The following NF1 variants were observed in gnomAD, a reference collection of about 807,000 sequenced individuals.
NF1 encodes the protein neurofibromin 1.
In NF1, 122 loss-of-function variants were observed where a neutral mutation model predicts 325.7. The observed-to-expected ratio is 0.37, with a 90% CI of 0.32 to 0.44. The LOEUF (loss-of-function observed/expected upper bound fraction) is 0.44, where lower values mean the gene tolerates loss of function less well. NF1 is among the 20% of genes least tolerant of loss of function. The pLI is 1.00. For missense variants in NF1, 2,140 were observed against 3,415.4 expected, an observed-to-expected ratio of 0.63 and a Z score of 9.31; for synonymous variants, 1,091 against 1,186.0, an observed-to-expected ratio of 0.92 and a Z score of 1.65.
chr17:31,261,519 T>G (rs2067685652), intron 34 of NF1, among the ~76,000 whole-genome samples, 192 bp from the exon 35 acceptor site: 3 of 152,056 alleles, frequency 2.0e-5, no homozygotes, highest in Non-Finnish European at 4.4e-5. Flanking sequence ...GAGATGGGAG[T>G]TTAAATGACA....
At chr17:31,334,263 C>G (rs1038606163) in intron 39 of NF1, among the ~76,000 whole-genome samples, 6 of 151,408 alleles carry the variant, frequency 4.0e-5, no homozygotes, top group Non-Finnish European at 5.9e-5. Flanking sequence ...CTCCTCTGCA[C>G]TCCAGCCTGG....
At chr17:31,128,286 C>G (rs886097138) in intron 1 of NF1, among the ~76,000 whole-genome samples, 1 of 151,980 alleles carries the variant, frequency 6.6e-6, no homozygotes, top group Non-Finnish European at 1.5e-5. Context: ...GCTTGTCACT[C>G]AGTGCCTTTT....
intron 17 of NF1, 85 bp downstream of exon 17, chr17:31,225,335 A>T: frequency 6.9e-7 from 1 of 1,442,346 alleles, no homozygotes; most frequent in Non-Finnish European, 9.7e-7. Context: ...CATCTAGGTA[A>T]TATAGTGTAA....
chr17:31,138,503 A>T (rs1440465755), intron 1 of NF1: 1 of 151,992 alleles, frequency 6.6e-6, no homozygotes, highest in Non-Finnish European at 1.5e-5. Context: ...ACCTCAGGTG[A>T]TCCACCCGCC....
Position 31,337,593 on chromosome 17 carries a change from C to T in NF1, c.6642+11C>T, listed in dbSNP as rs375446476. Reference sequence around the variant, plus strand: ...TTGGAGATCATGGAGGTATAGAAGCCAAAATGATAAGAAACTAAGTTAAAA... The same window carrying T: ...TTGGAGATCATGGAGGTATAGAAGCTAAAATGATAAGAAACTAAGTTAAAA... On this transcript the variant is annotated intron_variant, in intron 43 of 57. Coordinates refer to ENST00000358273, the MANE Select transcript of NF1 (RefSeq NM_001042492.3). 3 of 1,609,064 alleles carry T rather than the reference C, an allele frequency of 1.9e-6. No homozygotes were observed. The African/African-American group carries it at 4.0e-5, about 22-fold the overall frequency.
At chr17:31,100,058 T>C (rs990369379) in intron 1 of NF1, among the ~76,000 whole-genome samples, 1 of 151,568 alleles carries the variant, frequency 6.6e-6, no homozygotes, top group African/African-American at 2.4e-5. Context: ...AAATGATTTG[T>C]TGTAAATATG....
intron 57 of NF1, chr17:31,362,513 T>C (rs576853275): frequency 2.0e-4 from 36 of 183,380 alleles, no homozygotes; most frequent in African/African-American, 5.5e-4. Context: ...TGTTGTCTGT[T>C]TGATTATCTA....
chr17:31,163,265 C>A lies in NF1; in HGVS notation c.368C>A (p.Thr123Asn), dbSNP rs878853886. 3.7e-6 allele frequency: 6 copies of A among 1,614,062 alleles called. No individual in the cohort carries two copies. The highest frequency in any genetic ancestry group is 5.1e-6 in the Non-Finnish European group (6 of 1,179,968). ...LLPEICHFLHTCREGNQHAAE... is the reference protein window; with the variant it reads ...LLPEICHFLHNCREGNQHAAE... ...CCAGAAATCTGCCATTTTCTTCACA[C>A]CTGTCGTGAAGGAAACCAGCATGCA... is the stretch of plus-strand genomic sequence containing the variant. Residue 123 changes from threonine (T) to asparagine (N), a missense_variant, in exon 4 of 58, where the codon ACC becomes AAC. This residue lies in a region of NF1 where 246 missense variants were observed against 347.8 expected (regional missense o/e 0.71). Transcript: ENST00000358273.
chr17:31,119,208 T>C (rs1315128352), intron 1 of NF1, among the ~76,000 whole-genome samples: 1 of 152,186 alleles, frequency 6.6e-6, no homozygotes, highest in Non-Finnish European at 1.5e-5. Flanking sequence ...CCCAAAGTGC[T>C]GGGATTACAG....
At chr17:31,187,901 C>CA (rs1439804192) in intron 8 of NF1, among the ~76,000 whole-genome samples, 1 of 152,196 alleles carries the variant, frequency 6.6e-6, no homozygotes, top group African/African-American at 2.4e-5. Flanking sequence ...TTTAAGTCAA[C>CA]AGGCTAAGAA....
chr17:31,303,739 C>A (rs2151507790), intron 36 of NF1: 1 of 152,358 alleles, frequency 6.6e-6, no homozygotes, highest in South Asian at 2.1e-4. Flanking sequence ...GTTTGTTTTA[C>A]TCTTTGCAAT....
chr17:31,330,196 C>A, intron 38 of NF1, 100 bp from the exon 39 acceptor site: 1 of 996,054 alleles, frequency 1.0e-6, no homozygotes, highest in Non-Finnish European at 1.6e-6. Context: ...AATAGTTGAT[C>A]ATACTTTGTA....
chr17:31,228,898 T>C, intron 20 of NF1, 127 bp from the exon 21 acceptor site: 1 of 702,940 alleles, frequency 1.4e-6, no homozygotes, highest in Non-Finnish European at 2.4e-6. Context: ...TTTTATGGGT[T>C]GATTTTAATG....
chr17:31,357,096 G>A lies in NF1; in HGVS notation c.7869+6G>A, dbSNP rs864622318. The A allele has an allele frequency of 6.8e-6, 11 of 1,612,976 alleles. No homozygotes were observed. The highest frequency in any genetic ancestry group is 8.5e-6 in the Non-Finnish European group (10 of 1,179,944). On this transcript the variant is annotated splice_donor_region_variant and intron_variant, in intron 53 of 57. Transcript: ENST00000358273. ...CGCTGCTTCTTACTGTTCTAGTAAG[G>A]ATTTCCCCTTTTTGAGTCCCCCACC...
At chr17:31,195,162 A>G (rs561409472) in intron 8 of NF1, among the ~76,000 whole-genome samples, 1 of 152,264 alleles carries the variant, frequency 6.6e-6, no homozygotes, top group East Asian at 1.9e-4. Context: ...GGAAATTTTC[A>G]CTGTACATCA....
chr17:31,111,001 G>A (rs140519150), intron 1 of NF1, among the ~76,000 whole-genome samples: 101 of 152,112 alleles, frequency 6.6e-4, no homozygotes, highest in African/African-American at 2.3e-3. Flanking sequence ...TACTCCCAGG[G>A]CTTAGTATAG....
At chr17:31,295,522 A>C (rs1330615166) in intron 36 of NF1, 1 of 1,614,184 alleles carries the variant, frequency 6.2e-7, no homozygotes, top group East Asian at 2.2e-5. Context: ...TAAATCCAGA[A>C]GGTGTGGGAT....
intron 1 of NF1, among the ~76,000 whole-genome samples, chr17:31,118,040 A>G (rs1249129018): frequency 1.3e-5 from 2 of 152,250 alleles, no homozygotes; most frequent in Non-Finnish European, 2.9e-5. Flanking sequence ...TATGGTACGC[A>G]TATGAAAGTA....
Position 31,196,683 on chromosome 17 carries a change from G to A in NF1, c.889-3739G>A, listed in dbSNP as rs1190210933. On this transcript the variant is annotated intron_variant, in intron 8 of 57. Transcript: ENST00000358273. The stretch of plus-strand genomic sequence containing the variant: ...TTTTATAGCTTTACTGTTAAGTTTT[G>A]GTCTTTGATCTATTTTGAGTTAATT... Among the ~76,000 whole-genome samples, 9 of 151,816 alleles carry A rather than the reference G, an allele frequency of 5.9e-5. No homozygotes were observed. The South Asian group carries it at 1.5e-3, about 25-fold the overall frequency.
Sources: allele counts gnomAD v4.1 joint callset (sites outside exome capture counted in the v4.1 genomes callset), GRCh38; gene constraint gnomAD v4.1.1; regional missense constraint gnomAD v4.1.1; transcripts MANE v1.5; gene names NCBI Gene and HGNC (gene_info 2026-07-23, HGNC 2026-07-21).